SPOCK3: variants seen among roughly 807,000 people sequenced by gnomAD.
The protein encoded by SPOCK3 is SPARC (osteonectin), cwcv and kazal like domains proteoglycan 3.
Under a neutral mutation model 56.6 loss-of-function variants are expected in SPOCK3, and 30 were observed. The observed-to-expected ratio is 0.53, with a 90% CI of 0.40 to 0.72. SPOCK3 has a LOEUF of 0.72. Ranked by LOEUF, SPOCK3 falls within the 30% of genes least tolerant of loss-of-function variation. The pLI is 0.00. For synonymous variants in SPOCK3, 196 were observed against 183.3 expected (o/e 1.07, Z -0.56); for missense variants, 527 against 530.0 (o/e 0.99, Z 0.06).
At chr4:167,077,528 G>A (rs1460491751) in intron 2 of SPOCK3, among the ~76,000 whole-genome samples, 1 of 151,806 alleles carries the variant, frequency 6.6e-6, no homozygotes, top group Non-Finnish European at 1.5e-5. Flanking sequence ...TATATTACAT[G>A]TGTTTTAAGT....
chr4:167,152,695 G>T (rs962070834), intron 2 of SPOCK3, among the ~76,000 whole-genome samples: 9 of 152,154 alleles, frequency 5.9e-5, no homozygotes, highest in Non-Finnish European at 7.4e-5. Flanking sequence ...CCCATTTCAA[G>T]AGGATAAATC....
At chr4:167,168,098 C>A (rs922265283) in intron 2 of SPOCK3, among the ~76,000 whole-genome samples, 2 of 152,122 alleles carry the variant, frequency 1.3e-5, no homozygotes, top group Non-Finnish European at 2.9e-5. Context: ...TGTGAGGCTT[C>A]CCCAGCCATG....
chr4:167,030,338 T>A (rs1172125046), intron 3 of SPOCK3, among the ~76,000 whole-genome samples: 4 of 152,094 alleles, frequency 2.6e-5, no homozygotes, highest in Non-Finnish European at 5.9e-5. Flanking sequence ...ATAAACATTA[T>A]TTTTTATCAA....
rs1397448333 is a variant in SPOCK3 at position 167,175,610 on chromosome 4, CG to C, written c.189+58374del. 2.6e-5 allele frequency among the ~76,000 whole-genome samples: 4 copies of C among 151,886 alleles called. No homozygotes were observed. In the East Asian group the frequency reaches 7.7e-4, roughly 29 times the overall value. On this transcript the variant is annotated intron_variant, in intron 2 of 10. Coordinates refer to ENST00000357545, the MANE Select transcript of SPOCK3 (RefSeq NM_001040159.2). ...CAATATGACTGGCGTCCTTATAATA[CG>C]GGGAAACTTGAACACAGAAACATGC... is the stretch of plus-strand genomic sequence containing the variant.
intron 7 of SPOCK3, among the ~76,000 whole-genome samples, chr4:166,790,749 G>GC (rs1251167799): frequency 3.9e-4 from 59 of 152,270 alleles, no homozygotes; most frequent in African/African-American, 1.4e-3. Flanking sequence ...CTGGAAGTGC[G>GC]CATCAGTCTG....
chr4:166,968,979 G>A (rs1745062890), intron 4 of SPOCK3, among the ~76,000 whole-genome samples: 1 of 152,168 alleles, frequency 6.6e-6, no homozygotes, highest in South Asian at 2.1e-4. Context: ...ACCAGGTTGT[G>A]AGACATGGAG....
At chr4:166,835,916 G>T (rs1746563349) in intron 6 of SPOCK3, among the ~76,000 whole-genome samples, 1 of 152,170 alleles carries the variant, frequency 6.6e-6, no homozygotes, top group Admixed American at 6.5e-5. Flanking sequence ...TGAGGCAGGA[G>T]AATCGCTTGA....
intron 2 of SPOCK3, among the ~76,000 whole-genome samples, chr4:167,084,786 G>GA (rs5863856): frequency 1 from 152,063 of 152,156 alleles, 75,985 homozygotes; most frequent in Middle Eastern, 1. Flanking sequence ...TAACCATCAA[G>GA]AATAATATTT....
intron 2 of SPOCK3, among the ~76,000 whole-genome samples, chr4:167,164,282 CAT>C (rs775461008): frequency 2.6e-5 from 4 of 151,946 alleles, no homozygotes; most frequent in Admixed American, 1.3e-4. Context: ...ATACCATAAT[CAT>C]GTGAGGTTTT....
chr4:167,076,539 A>C (rs559583786), intron 2 of SPOCK3, among the ~76,000 whole-genome samples: 1 of 152,062 alleles, frequency 6.6e-6, no homozygotes, highest in African/African-American at 2.4e-5. Flanking sequence ...ATATAGTTTG[A>C]ATTTACATCT....
At chr4:167,207,224 A>G (rs945948084) in intron 2 of SPOCK3, among the ~76,000 whole-genome samples, 3 of 152,106 alleles carry the variant, frequency 2.0e-5, no homozygotes, top group Admixed American at 6.6e-5. Flanking sequence ...TACTGTTTAT[A>G]TAATATTGTG....
intron 2 of SPOCK3, among the ~76,000 whole-genome samples, chr4:167,165,685 A>G (rs1244269229): frequency 1.3e-5 from 2 of 152,112 alleles, no homozygotes; most frequent in African/African-American, 4.8e-5. Flanking sequence ...CAAAAATATA[A>G]TGGTTAAAAC....
rs549721168 is a variant in SPOCK3 at position 167,076,696 on chromosome 4, T to A, written c.190-14159A>T. ...CAAAATAAACAATTTTAAAAAACTG[T>A]ACAAACTGCCTATTTTCTTAGGTGT... On this transcript the variant is annotated intron_variant, in intron 2 of 10. Coordinates refer to ENST00000357545, the MANE Select transcript of SPOCK3 (RefSeq NM_001040159.2). Among the ~76,000 whole-genome samples, 16 of 151,914 alleles carry A rather than the reference T, an allele frequency of 1.1e-4. No individual in the cohort carries two copies. The East Asian group carries it at 3.1e-3, about 30-fold the overall frequency.
intron 8 of SPOCK3, among the ~76,000 whole-genome samples, chr4:166,752,783 C>T (rs1197127703): frequency 6.6e-6 from 1 of 151,966 alleles, no homozygotes; most frequent in Non-Finnish European, 1.5e-5. Flanking sequence ...CATGCCTTCT[C>T]AGTTACCCTG....
chr4:166,915,724 G>A (rs1737771339), intron 4 of SPOCK3, among the ~76,000 whole-genome samples: 1 of 152,094 alleles, frequency 6.6e-6, no homozygotes, highest in Admixed American at 6.6e-5. Context: ...GTGGCAAGAG[G>A]AATGCCCCAG....
At chr4:167,054,997 T>G (rs1754635635) in intron 3 of SPOCK3, among the ~76,000 whole-genome samples, 1 of 152,198 alleles carries the variant, frequency 6.6e-6, no homozygotes, top group East Asian at 1.9e-4. Context: ...TGGTGATACC[T>G]TAATTTCTGC....
intron 7 of SPOCK3, among the ~76,000 whole-genome samples, chr4:166,764,925 T>C (rs1337072595): frequency 6.6e-6 from 1 of 152,096 alleles, no homozygotes; most frequent in Non-Finnish European, 1.5e-5. Flanking sequence ...TTGATTTGCA[T>C]TTCTCTGATG....
At chr4:166,864,484 G>A (rs1731576872) in intron 6 of SPOCK3, among the ~76,000 whole-genome samples, 1 of 152,018 alleles carries the variant, frequency 6.6e-6, no homozygotes, top group Non-Finnish European at 1.5e-5. Flanking sequence ...AAACATCCAT[G>A]AATCTAGAAG....
At chr4:166,926,958 T>C (rs1223085211) in intron 4 of SPOCK3, among the ~76,000 whole-genome samples, 1 of 152,118 alleles carries the variant, frequency 6.6e-6, no homozygotes, top group Non-Finnish European at 1.5e-5. Context: ...TCAAGATTTA[T>C]AATGCTTAAA....
Sources: gnomAD v4.1 joint callset for allele counts (sites outside exome capture counted in the v4.1 genomes callset) on GRCh38, gnomAD v4.1.1 for gene constraint, MANE v1.5 for transcripts, NCBI Gene and HGNC (gene_info 2026-07-23, HGNC 2026-07-21) for gene names.